The following ZNF738 variants were observed in gnomAD, a reference collection of about 807,000 sequenced individuals.
The protein encoded by ZNF738 is zinc finger protein 738, also known as protein ZNF738.
A neutral mutation model predicts 9.2 loss-of-function variants in ZNF738; 10 were observed. That is an observed-to-expected ratio of 1.09 (90% CI 0.67 to 1.85). The LOEUF (loss-of-function observed/expected upper bound fraction) is 1.85. Among genes scored for constraint, ZNF738 ranks in the 40% most tolerant of loss-of-function variants. The pLI, the probability that ZNF738 is intolerant of heterozygous loss-of-function variation, is 0.00. For missense variants in ZNF738, 346 were observed against 283.6 expected (o/e 1.22, Z -1.58); for synonymous variants, 113 against 94.5 (o/e 1.20, Z -1.14).
chr19:21,376,016 C>CA (rs376940300), intron 4 of ZNF738, 52 bp downstream of exon 4: 20,514 of 527,104 alleles, frequency 0.039, no homozygotes, highest in East Asian at 0.047. Flanking sequence ...TGGAAGATTA[C>CA]AAAAAAAAAA....
intron 4 of ZNF738, chr19:21,381,374 T>C: frequency 2.6e-6 from 4 of 1,512,046 alleles, no homozygotes; most frequent in Non-Finnish European, 3.7e-6. Context: ...GACTCCATCT[T>C]GAATAACTTC....
rs560960729 is a variant in ZNF738, at chr19:21,385,510, C to G, written c.*1836C>G. ...TAAGAGAGTTCATACTAGAGAGAAA[C>G]CCTGCAAATGTGAAGAATGTGAGAA... is the stretch of plus-strand genomic sequence containing the variant. On this transcript the variant is annotated 3_prime_UTR_variant, in exon 5 of 5. Transcript: ENST00000683779. Among the ~76,000 whole-genome samples, 1 of 151,726 alleles carries G rather than the reference C, an allele frequency of 6.6e-6. No homozygotes were observed. The highest frequency in any genetic ancestry group is 2.1e-4 in the South Asian group (1 of 4,812).
At chr19:21,366,224 A>C (rs555967286) in intron 2 of ZNF738, among the ~76,000 whole-genome samples, 1 of 152,196 alleles carries the variant, frequency 6.6e-6, no homozygotes, top group Non-Finnish European at 1.5e-5. Context: ...GTGTGAAACC[A>C]GTTCTTAGTT....
intron 4 of ZNF738, chr19:21,381,397 T>C: frequency 1.3e-6 from 2 of 1,528,540 alleles, no homozygotes; most frequent in Non-Finnish European, 1.8e-6. Context: ...CATCAGAATC[T>C]CCTTTTGTCT....
chr19:21,379,355 TTTGAACAA>T, intron 4 of ZNF738: 1 of 152,372 alleles, frequency 6.6e-6, no homozygotes, highest in Non-Finnish European at 1.5e-5. Flanking sequence ...CCTGGCATAC[TTTGAACAA>T]TTGTCTGGGT....
rs998676865 is a variant in ZNF738, at chr19:21,375,768, T to A, written c.224-101T>A. ...CATTAAATAGTATTTTGGGATGAAT[T>A]TTCTAGAATATTCTATTACCTCCTC... On this transcript the variant is annotated intron_variant, in intron 3 of 4. Transcript: ENST00000683779. 9.2e-6 allele frequency: 5 copies of A among 541,048 alleles called. No homozygotes were observed. In the African/African-American group the frequency reaches 9.9e-5, roughly 11 times the overall value. 33.5% of individuals were successfully genotyped at this position (541,048 alleles called of 1,614,324 possible).
chr19:21,371,261 C>T (rs571899116), intron 2 of ZNF738, among the ~76,000 whole-genome samples: 1 of 152,232 alleles, frequency 6.6e-6, no homozygotes, highest in Non-Finnish European at 1.5e-5. Flanking sequence ...CTGAGTTTCT[C>T]CAGCCTGGCT....
At position 21,387,381 on chromosome 19, in the gene ZNF738, G is replaced by T. The variant is rs1257036470; in HGVS notation, c.*3707G>T. Among the ~76,000 whole-genome samples, 3 of 151,792 alleles carry T rather than the reference G, an allele frequency of 2.0e-5. No individual in the cohort carries two copies. The highest frequency in any genetic ancestry group is 4.4e-5 in the Non-Finnish European group (3 of 67,964). On this transcript the variant is annotated 3_prime_UTR_variant, in exon 5 of 5. Transcript: ENST00000683779. ...TTTTTGTACTTTTAGTAGAGATGGGGTATGACCATCTTGGCCAGGCTGGTC... is the reference window on the plus strand; with the variant it reads ...TTTTTGTACTTTTAGTAGAGATGGGTTATGACCATCTTGGCCAGGCTGGTC...
At chr19:21,374,754 T>G (rs1286568799) in intron 2 of ZNF738, among the ~76,000 whole-genome samples, 1 of 152,130 alleles carries the variant, frequency 6.6e-6, no homozygotes, top group Non-Finnish European at 1.5e-5. Context: ...ATGTTCTTTT[T>G]GGGCGAAATA....
chr19:21,360,152 T>G (rs1973662723), intron 1 of ZNF738, among the ~76,000 whole-genome samples: 1 of 152,182 alleles, frequency 6.6e-6, no homozygotes, highest in Admixed American at 6.5e-5. Context: ...TTCTCTGAAT[T>G]TAGTAATTAA....
In ZNF738 at chr19:21,383,338, A is replaced by G. The variant is rs545592518; in HGVS notation, c.792A>G (p.Glu264=). ...GAGACAAATCCTACAAACATGAAGAATGTGGAAAAGGTTTTAACCACTCCA... is the reference window on the plus strand; with the variant it reads ...GAGACAAATCCTACAAACATGAAGAGTGTGGAAAAGGTTTTAACCACTCCA... ...HTGDKSYKHE[E]CGKGFNHSTT... Residue 264 remains glutamate, a synonymous_variant, in exon 5 of 5, where the codon GAA becomes GAG. Transcript: ENST00000683779. The G allele has an allele frequency of 9.5e-6, 13 of 1,368,720 alleles. No homozygotes were observed. In the East Asian group the frequency reaches 2.6e-4, roughly 27 times the overall value. 84.8% of individuals were successfully genotyped at this position (1,368,720 alleles called of 1,614,324 possible).
intron 1 of ZNF738, among the ~76,000 whole-genome samples, chr19:21,359,794 G>A (rs1015317729): frequency 6.6e-6 from 1 of 152,024 alleles, no homozygotes; most frequent in African/African-American, 2.4e-5. Context: ...GGAGAATGGC[G>A]TGAACCCAGG....
Position 21,375,382 on chromosome 19 carries a change from A to G in ZNF738, c.223+18A>G. The G allele has an allele frequency of 1.3e-6, 1 of 759,540 alleles. No homozygotes were observed. Among genetic ancestry groups the G allele is most frequent in the Non-Finnish European group, 2.3e-6 (1 of 430,118 alleles). 47.1% of individuals were successfully genotyped at this position (759,540 alleles called of 1,614,324 possible). ...GTTCTTGGGTGAGAATAACTTTAAT[A>G]CACAATTCCTTATATACACTAAAGG... is the stretch of plus-strand genomic sequence containing the variant. On this transcript the variant is annotated intron_variant, in intron 3 of 4. Coordinates refer to ENST00000683779, the MANE Select transcript of ZNF738 (RefSeq NM_001355237.2).
At chr19:21,364,313 A>G (rs1291441471) in intron 2 of ZNF738, among the ~76,000 whole-genome samples, 1 of 152,088 alleles carries the variant, frequency 6.6e-6, no homozygotes, top group Admixed American at 6.6e-5. Context: ...TGGAGCCTAC[A>G]AGATTAGAAA....
chr19:21,364,196 C>CAAAAAAA (rs60889988), intron 2 of ZNF738, among the ~76,000 whole-genome samples: 3,161 of 89,836 alleles, frequency 0.035, 235 homozygotes, highest in Admixed American at 0.13. Context: ...GAATCCGTCT[C>CAAAAAAA]AAAAAAAAAA....
Position 21,386,176 on chromosome 19 carries a change from CA to C in ZNF738, c.*2505del, listed in dbSNP as rs1255834270. Among the ~76,000 whole-genome samples the C allele has an allele frequency of 1.3e-5, 2 of 151,914 alleles. No homozygotes were observed. Among genetic ancestry groups the C allele is most frequent in the Non-Finnish European group, 2.9e-5 (2 of 67,968 alleles). On this transcript the variant is annotated 3_prime_UTR_variant, in exon 5 of 5. Transcript: ENST00000683779. ...TAATTTGTACTGGAGAGAAAACCTACAAACGTGAGGAATGTGGCAAAGCCTT... is the reference window on the plus strand; with the variant it reads ...TAATTTGTACTGGAGAGAAAACCTACAACGTGAGGAATGTGGCAAAGCCTT...
Position 21,371,803 on chromosome 19 carries a change from G to A in ZNF738, c.97-3435G>A, listed in dbSNP as rs115691680. Among the ~76,000 whole-genome samples, 1,166 of 152,082 alleles carry A rather than the reference G, an allele frequency of 7.7e-3. 15 individuals carry two copies. Among genetic ancestry groups the A allele is most frequent in the African/African-American group, 0.025 (1,054 of 41,476 alleles). On this transcript the variant is annotated intron_variant, in intron 2 of 4. Coordinates refer to ENST00000683779, the MANE Select transcript of ZNF738 (RefSeq NM_001355237.2). ...ATTTGTGTTTCTTTTACTTTTCTAA[G>A]AATACATATTTATCTTCTAATAAAA... is the stretch of plus-strand genomic sequence containing the variant.
intron 2 of ZNF738, among the ~76,000 whole-genome samples, chr19:21,365,002 C>T (rs1599711883): frequency 6.7e-6 from 1 of 150,174 alleles, no homozygotes; most frequent in East Asian, 2.0e-4. Context: ...TCATGATCCA[C>T]CCACCTTGGC....
In ZNF738 at chr19:21,387,982, T is replaced by C. The variant is rs1411150483; in HGVS notation, c.*4308T>C. ...CCAGAGTTTATACTGAAGAATATTTTTGAAGATGCACTAAAAATGAAAAAA... is the reference window on the plus strand; with the variant it reads ...CCAGAGTTTATACTGAAGAATATTTCTGAAGATGCACTAAAAATGAAAAAA... On this transcript the variant is annotated 3_prime_UTR_variant, in exon 5 of 5. Transcript: ENST00000683779. Among the ~76,000 whole-genome samples the C allele has an allele frequency of 6.6e-6, 1 of 152,166 alleles. No homozygotes were observed. The highest frequency in any genetic ancestry group is 1.5e-5 in the Non-Finnish European group (1 of 68,028).
Sources: allele counts gnomAD v4.1 joint callset (sites outside exome capture counted in the v4.1 genomes callset), GRCh38; gene constraint gnomAD v4.1.1; transcripts MANE v1.5; gene names NCBI Gene and HGNC (gene_info 2026-07-23, HGNC 2026-07-21).